SEMA3D: variants seen among roughly 807,000 people sequenced by gnomAD.
SEMA3D encodes the protein semaphorin 3D.
A neutral mutation model predicts 100.1 loss-of-function variants in SEMA3D; 84 were observed. The observed-to-expected ratio is 0.84, with a 90% CI of 0.70 to 1.01. The LOEUF (loss-of-function observed/expected upper bound fraction) is 1.01, where lower values mean the gene tolerates loss of function less well. SEMA3D is among the 50% of genes least tolerant of loss of function. The pLI, the probability that SEMA3D is intolerant of heterozygous loss-of-function variation, is 0.00. For synonymous variants in SEMA3D, 312 were observed against 320.7 expected (o/e 0.97, Z 0.29); for missense variants, 875 against 934.1 (o/e 0.94, Z 0.82).
chr7:85,014,385 A>G (rs1427027672), intron 16 of SEMA3D, among the ~76,000 whole-genome samples: 1 of 151,860 alleles, frequency 6.6e-6, no homozygotes. Context: ...TTATTTTGCT[A>G]TAAAAATAAT....
At chr7:85,200,411 T>C in the SEMA3D span, among the ~76,000 whole-genome samples, 9 of 152,120 alleles carry the variant, frequency 5.9e-5, no homozygotes, top group Admixed American at 2.6e-4. Flanking sequence ...GTGACTCTTG[T>C]TATGTTTTAG....
the SEMA3D span, among the ~76,000 whole-genome samples, chr7:85,200,894 A>T: frequency 6.6e-6 from 1 of 152,208 alleles, no homozygotes; most frequent in East Asian, 1.9e-4. Flanking sequence ...GAAAGGGGCC[A>T]CAGTAGAGCT....
At chr7:85,065,842 T>G (rs1013171219) in intron 7 of SEMA3D, among the ~76,000 whole-genome samples, 1 of 152,214 alleles carries the variant, frequency 6.6e-6, no homozygotes, top group African/African-American at 2.4e-5. Flanking sequence ...GTGTTTCCTC[T>G]TTCTCTTCTC....
chr7:85,127,200 C>T (rs1334955014), intron 2 of SEMA3D, among the ~76,000 whole-genome samples: 1 of 152,070 alleles, frequency 6.6e-6, no homozygotes, highest in Non-Finnish European at 1.5e-5. Context: ...AAACAAATTA[C>T]GATTATCATC....
chr7:85,183,459 C>T (rs1394387835), intron 1 of SEMA3D, among the ~76,000 whole-genome samples: 2 of 152,144 alleles, frequency 1.3e-5, no homozygotes, highest in Admixed American at 6.5e-5. Context: ...GTTAGCCTGT[C>T]GGAAACAGTA....
At chr7:85,176,621 A>G (rs1791234742) in intron 1 of SEMA3D, among the ~76,000 whole-genome samples, 1 of 152,096 alleles carries the variant, frequency 6.6e-6, no homozygotes, top group Admixed American at 6.6e-5. Context: ...ATATAAAATT[A>G]TATAGAAAAG....
intron 2 of SEMA3D, among the ~76,000 whole-genome samples, chr7:85,138,686 T>C (rs1180473430): frequency 6.7e-6 from 1 of 148,576 alleles, no homozygotes; most frequent in Non-Finnish European, 1.5e-5. Flanking sequence ...ATATATAATT[T>C]AAGTTCTAGG....
intron 2 of SEMA3D, among the ~76,000 whole-genome samples, chr7:85,138,648 T>A (rs1341538037): frequency 4.1e-5 from 4 of 97,670 alleles, no homozygotes; most frequent in East Asian, 3.2e-4. Context: ...TTATATATAT[T>A]TAATTTAATA....
chr7:85,140,471 T>A (rs1334679088), intron 2 of SEMA3D: 3 of 981,580 alleles, frequency 3.1e-6, no homozygotes, highest in Non-Finnish European at 3.6e-6. Context: ...TGTTCTGATA[T>A]GTACAGGATC....
chr7:85,171,208 T>C (rs1791074669), intron 1 of SEMA3D, among the ~76,000 whole-genome samples: 1 of 152,034 alleles, frequency 6.6e-6, no homozygotes, highest in Admixed American at 6.6e-5. Flanking sequence ...GGATGATCCA[T>C]TGCTGTAGAC....
rs185828053 is a variant in SEMA3D at position 85,120,910 on chromosome 7, T to C, written c.151+831A>G. 7.9e-5 allele frequency among the ~76,000 whole-genome samples: 12 copies of C among 152,284 alleles called. No individual in the cohort carries two copies. The East Asian group carries it at 1.7e-3, about 22-fold the overall frequency. Reference sequence around the variant, plus strand: ...CAACATATAAAATTTATAATGGATATAATGTGCTAATTCAACTTACTCTTA... The same window carrying C: ...CAACATATAAAATTTATAATGGATACAATGTGCTAATTCAACTTACTCTTA... On this transcript the variant is annotated intron_variant, in intron 3 of 18. Coordinates refer to ENST00000284136, the MANE Select transcript of SEMA3D (RefSeq NM_001384900.1).
chr7:85,106,976 G>C (rs555107388), intron 3 of SEMA3D, among the ~76,000 whole-genome samples: 2 of 152,052 alleles, frequency 1.3e-5, no homozygotes, highest in Middle Eastern at 3.2e-3. Flanking sequence ...GGTGAGGTTT[G>C]GGTGGCAACA....
intron 1 of SEMA3D, among the ~76,000 whole-genome samples, chr7:85,182,414 A>T (rs931575571): frequency 1.4e-4 from 22 of 152,304 alleles, no homozygotes; most frequent in African/African-American, 4.8e-4. Flanking sequence ...GTCAATAAAA[A>T]GATTCAAGAT....
At chr7:85,230,108 T>C in the SEMA3D span, among the ~76,000 whole-genome samples, 2 of 152,202 alleles carry the variant, frequency 1.3e-5, no homozygotes, top group African/African-American at 4.8e-5. Context: ...TATATCCATA[T>C]TTCTACATCT....
At chr7:85,099,005 G>T (rs567982501) in intron 3 of SEMA3D, among the ~76,000 whole-genome samples, 39 of 152,010 alleles carry the variant, frequency 2.6e-4, no homozygotes, top group African/African-American at 8.9e-4. Flanking sequence ...TGGCTTGATA[G>T]CTCATCCTTT....
chr7:85,024,048 C>G (rs1459188653), intron 12 of SEMA3D, among the ~76,000 whole-genome samples: 1 of 151,922 alleles, frequency 6.6e-6, no homozygotes, highest in Non-Finnish European at 1.5e-5. Flanking sequence ...GTCTAAAGAT[C>G]TAAGTCTGCA....
At chr7:85,177,372 CA>C (rs1318279162) in intron 1 of SEMA3D, among the ~76,000 whole-genome samples, 19 of 152,022 alleles carry the variant, frequency 1.2e-4, no homozygotes, top group African/African-American at 4.6e-4. Flanking sequence ...ATATATTATA[CA>C]TATAACATTT....
At position 85,147,092 on chromosome 7, in the gene SEMA3D, C is replaced by CTTTTTTTTTTTTTTTTTTTTTTTTTT. The variant is rs752922884; in HGVS notation, c.-41+6490_-41+6515dup. Among the ~76,000 whole-genome samples, 57 of 48,156 alleles carry CTTTTTTTTTTTTTTTTTTTTTTTTTT rather than the reference C, an allele frequency of 1.2e-3. 10 individuals carry two copies. Among genetic ancestry groups the CTTTTTTTTTTTTTTTTTTTTTTTTTT allele is most frequent in the African/African-American group, 2.9e-3 (30 of 10,288 alleles). The allele number at this position is 48,156 out of a possible 152,430, so 31.6% of individuals were successfully genotyped here. ...TCTTTCTTTCTTTTCTTTTTCTTTT[C>CTTTTTTTTTTTTTTTTTTTTTTTTTT]TTTTTTTTTTTTTTTTTTTTTTTTT... is the stretch of plus-strand genomic sequence containing the variant. On this transcript the variant is annotated intron_variant, in intron 2 of 18. Transcript: ENST00000284136.
intron 3 of SEMA3D, among the ~76,000 whole-genome samples, chr7:85,119,445 C>T (rs927990376): frequency 2.6e-5 from 4 of 151,968 alleles, no homozygotes; most frequent in South Asian, 2.1e-4. Flanking sequence ...TAAAAAAGAA[C>T]GAGATCATGT....
Sources: allele counts gnomAD v4.1 joint callset (sites outside exome capture counted in the v4.1 genomes callset), GRCh38; gene constraint gnomAD v4.1.1; transcripts MANE v1.5; gene names NCBI Gene and HGNC (gene_info 2026-07-23, HGNC 2026-07-21).